The following TENM3 variants were observed in gnomAD, a reference collection of about 807,000 sequenced individuals.
TENM3 encodes teneurin-3.
A neutral mutation model predicts 255.1 loss-of-function variants in TENM3; 63 were observed. The observed-to-expected ratio is 0.25, with a 90% CI of 0.20 to 0.30. The LOEUF (loss-of-function observed/expected upper bound fraction) is 0.30, where lower values mean the gene tolerates loss of function less well. TENM3 is among the 10% of genes least tolerant of loss of function. TENM3 has a pLI of 1.00. For synonymous variants in TENM3, 1,306 were observed against 1,322.3 expected, an observed-to-expected ratio of 0.99 and a Z score of 0.27; for missense variants, 2,929 against 3,461.1, an observed-to-expected ratio of 0.85 and a Z score of 3.86.
At chr4:182,268,534 A>G (rs1289622978) in intron 1 of TENM3, among the ~76,000 whole-genome samples, 1 of 152,176 alleles carries the variant, frequency 6.6e-6, no homozygotes, top group Non-Finnish European at 1.5e-5. Context: ...AAATGAGTCT[A>G]ACCTACTGGG....
chr4:182,375,683 A>G (rs966076322), intron 3 of TENM3, among the ~76,000 whole-genome samples: 1 of 152,050 alleles, frequency 6.6e-6, no homozygotes, highest in Non-Finnish European at 1.5e-5. Context: ...CTGGGATTAC[A>G]GGCACAGGCC....
Position 182,754,826 on chromosome 4 carries a change from A to G in TENM3, c.4459A>G (p.Ile1487Val), listed in dbSNP as rs1762614442. 2 of 1,614,064 alleles carry G rather than the reference A, an allele frequency of 1.2e-6. No homozygotes were observed. The highest frequency in any genetic ancestry group is 1.1e-5 in the South Asian group (1 of 91,092). Residue 1487 changes from isoleucine (I) to valine (V), a missense_variant, in exon 22 of 28, where the codon ATT (isoleucine) becomes GTT (valine). Around this residue, in one of 6 missense-constraint regions of TENM3, gnomAD observed 1,608 missense variants for 1,884.4 expected, o/e 0.85. Transcript: ENST00000511685. This position sits in a 1 kb window ranked among gnomAD's most constrained non-coding sequence, Gnocchi z 5.1. ...LAASPDGTLY[I>V]ADLGNIRIRA... ...TGCTTCTCCAGATGGTACACTGTAT[A>G]TTGCAGATCTAGGGAATATCCGGAT...
At chr4:182,796,009 G>A (rs565916329) in intron 26 of TENM3, among the ~76,000 whole-genome samples, 10 of 152,246 alleles carry the variant, frequency 6.6e-5, no homozygotes, top group East Asian at 1.9e-4. Context: ...AAAGGTTTCC[G>A]GGTTCTCTCC....
chr4:182,557,856 C>T (rs1327751946), intron 3 of TENM3, among the ~76,000 whole-genome samples: 1 of 152,168 alleles, frequency 6.6e-6, no homozygotes, highest in Non-Finnish European at 1.5e-5. Context: ...GTCTCTCTAC[C>T]ATTCATACAT....
the TENM3 span, among the ~76,000 whole-genome samples, chr4:181,577,140 A>C: frequency 1.1e-4 from 15 of 134,456 alleles, no homozygotes; most frequent in East Asian, 4.0e-4. Flanking sequence ...ATAATATAAT[A>C]TATAATTAAT....
chr4:181,699,570 G>C, the TENM3 span, among the ~76,000 whole-genome samples: 2 of 149,306 alleles, frequency 1.3e-5, no homozygotes, highest in African/African-American at 4.9e-5. Context: ...TTTCACATTT[G>C]AGATACATAC....
chr4:182,198,037 G>A (rs1293512937), intron 1 of TENM3, among the ~76,000 whole-genome samples: 4 of 152,040 alleles, frequency 2.6e-5, no homozygotes, highest in African/African-American at 4.8e-5. Flanking sequence ...CCTGGGAGGC[G>A]GAGCTTGCAG....
intron 3 of TENM3, among the ~76,000 whole-genome samples, chr4:182,440,295 G>A (rs1772369485): frequency 6.6e-6 from 1 of 151,842 alleles, no homozygotes; most frequent in Middle Eastern, 3.2e-3. Context: ...TGTATTTTTA[G>A]TAGAGACGGG....
intron 4 of TENM3, among the ~76,000 whole-genome samples, chr4:182,617,739 A>G (rs778031409): frequency 1.3e-5 from 2 of 152,190 alleles, no homozygotes; most frequent in Non-Finnish European, 2.9e-5. Flanking sequence ...CTTTTTATCG[A>G]TTTACCTACA....
the TENM3 span, among the ~76,000 whole-genome samples, chr4:181,805,155 C>T: frequency 3.3e-5 from 5 of 152,176 alleles, no homozygotes; most frequent in Non-Finnish European, 7.3e-5. Context: ...GAACATCCTT[C>T]CCCAAGAAAA....
chr4:182,221,802 G>C (rs767297162), intron 1 of TENM3, among the ~76,000 whole-genome samples: 2 of 152,070 alleles, frequency 1.3e-5, no homozygotes, highest in African/African-American at 4.8e-5. Flanking sequence ...CATTTTCAGC[G>C]TATCATCAGT....
chr4:181,803,950 A>AG, the TENM3 span, among the ~76,000 whole-genome samples: 26 of 51,646 alleles, frequency 5.0e-4, no homozygotes, highest in African/African-American at 8.8e-4. Flanking sequence ...AAAAAAAAAA[A>AG]AAAGAAAGAA....
intron 3 of TENM3, among the ~76,000 whole-genome samples, chr4:182,442,520 A>C (rs1423242935): frequency 1.3e-5 from 2 of 152,190 alleles, no homozygotes; most frequent in East Asian, 3.9e-4. Flanking sequence ...CAATCAAAAC[A>C]AAGTACTTAT....
In TENM3 at chr4:182,769,687, G is replaced by A. The variant is rs375210270; in HGVS notation, c.4893-3785G>A. On this transcript the variant is annotated intron_variant, in intron 22 of 27. Transcript: ENST00000511685. Reference sequence around the variant, plus strand: ...TAATCCTAGCTACTCAGGAGGCTGCGGCAGGAGAATCGCTTGAACTTGGGA... The same window carrying A: ...TAATCCTAGCTACTCAGGAGGCTGCAGCAGGAGAATCGCTTGAACTTGGGA... Among the ~76,000 whole-genome samples the A allele has an allele frequency of 2.9e-4, 44 of 152,214 alleles. 1 individual carries two copies. The East Asian group carries it at 5.0e-3, about 17-fold the overall frequency.
chr4:182,217,343 T>C (rs1755553443), intron 1 of TENM3, among the ~76,000 whole-genome samples: 1 of 152,008 alleles, frequency 6.6e-6, no homozygotes, highest in South Asian at 2.1e-4. Context: ...TCGTTTCTAT[T>C]CATAACTTAC....
intron 1 of TENM3, among the ~76,000 whole-genome samples, chr4:182,258,134 A>G (rs1409029467): frequency 6.6e-6 from 1 of 152,176 alleles, no homozygotes; most frequent in Non-Finnish European, 1.5e-5. Context: ...AGAATCATGT[A>G]TATAGCATAT....
At chr4:181,545,142 G>A in the TENM3 span, among the ~76,000 whole-genome samples, 1 of 152,188 alleles carries the variant, frequency 6.6e-6, no homozygotes, top group Non-Finnish European at 1.5e-5. Context: ...TAATTTATGA[G>A]AGCTTTTGGA....
At chr4:182,191,730 T>C (rs1042659100) in intron 1 of TENM3, among the ~76,000 whole-genome samples, 11 of 152,310 alleles carry the variant, frequency 7.2e-5, no homozygotes, top group African/African-American at 2.6e-4. Flanking sequence ...TCTTAGCATG[T>C]ATCAGGGACT....
chr4:182,484,862 T>C lies in TENM3; in HGVS notation c.512-116062T>C, dbSNP rs138546782. ...TAACTTGTTAAAAAATTCAGTACAG[T>C]AGATAATGCAAATATTATCATTTAA... On this transcript the variant is annotated intron_variant, in intron 3 of 27. Coordinates refer to ENST00000511685, the MANE Select transcript of TENM3 (RefSeq NM_001080477.4). 3.2e-3 allele frequency among the ~76,000 whole-genome samples: 486 copies of C among 152,278 alleles called. 9 individuals are homozygous for C. Among genetic ancestry groups the C allele is most frequent in the Admixed American group, 0.026 (390 of 15,288 alleles).
Sources: allele counts gnomAD v4.1 joint callset (sites outside exome capture counted in the v4.1 genomes callset), GRCh38; gene constraint gnomAD v4.1.1; regional missense constraint gnomAD v4.1.1; non-coding constraint Gnocchi (gnomAD v3.1); transcripts MANE v1.5; gene names NCBI Gene and HGNC (gene_info 2026-07-23, HGNC 2026-07-21).